COL6A3: variants seen among roughly 807,000 people sequenced by gnomAD.
The protein encoded by COL6A3 is collagen type VI alpha 3 chain, also known as collagen alpha-3(VI) chain.
Under a neutral mutation model 274.1 loss-of-function variants are expected in COL6A3, and 137 were observed. The ratio of observed to expected loss-of-function variants is 0.50; its 90% CI spans 0.44 to 0.58. COL6A3 has a LOEUF of 0.58. Among genes scored for constraint, COL6A3 ranks in the 20% least tolerant of loss-of-function variants. The pLI is 0.00. For missense variants in COL6A3, 3,950 were observed against 4,124.9 expected (o/e 0.96, Z 1.16); for synonymous variants, 1,650 against 1,650.6 (o/e 1.00, Z 0.01).
At position 237,359,170 on chromosome 2, in the gene COL6A3, C is replaced by T. The variant is rs759206526; in HGVS notation, c.6354+36G>A. 9.9e-6 allele frequency: 16 copies of T among 1,613,998 alleles called. 1 individual carries two copies. The South Asian group carries it at 1.8e-4, about 18-fold the overall frequency. The stretch of plus-strand genomic sequence containing the variant: ...TTGTTAGTTTCTGGAATCTTCAGAA[C>T]CAAAAGCAGTTTGGACTTAGAGTAA... On this transcript the variant is annotated intron_variant, in intron 19 of 43. Transcript: ENST00000295550.
intron 23 of COL6A3, chr2:237,355,321 T>C: frequency 4.9e-6 from 1 of 203,726 alleles, no homozygotes; most frequent in Non-Finnish European, 9.9e-6. Context: ...TTCCCAACTG[T>C]ACTGAGAAGT....
rs11310117 is a variant in COL6A3 at position 237,331,724 on chromosome 2, TAA to T, written c.9328+1724_9328+1725del. On this transcript the variant is annotated intron_variant, in intron 42 of 43. Transcript: ENST00000295550. ...ATTATGCAGGGCCTTGTTCTTTTTT[TAA>T]AAAAAAAAAAAGGTAATTTATGTCT... Among the ~76,000 whole-genome samples the T allele has an allele frequency of 1.1e-3, 159 of 147,674 alleles. 2 individuals carry two copies. The highest frequency in any genetic ancestry group is 2.6e-3 in the African/African-American group (106 of 40,500).
In COL6A3 at chr2:237,344,800, A is replaced by G; in HGVS notation, c.7218T>C (p.Ala2406=). ...GGTTGACTCCCTCAGAGGTGTCTAA[A>G]GCAAAGGCTAGTTCTGTTGGGAAGA... ...CPVFPTELAF[A]LDTSEGVNQD... The change falls in exon 36 of 44, where the codon GCT becomes GCC. Residue 2406 remains alanine, a synonymous_variant. Transcript: ENST00000295550. This position sits in a 1 kb window ranked among gnomAD's most constrained non-coding sequence, Gnocchi z 4.8. 1 of 1,610,658 alleles carries G rather than the reference A, an allele frequency of 6.2e-7. No individual in the cohort carries two copies. The highest frequency in any genetic ancestry group is 8.5e-7 in the Non-Finnish European group (1 of 1,179,170).
At chr2:237,367,393 T>G in intron 10 of COL6A3, 107 bp from the exon 11 acceptor site, 1 of 1,352,194 alleles carries the variant, frequency 7.4e-7, no homozygotes, top group Non-Finnish European at 1.0e-6. Context: ...TCCTAATAAT[T>G]TATTCACAGT....
chr2:237,377,250 A>G lies in COL6A3; in HGVS notation c.2592T>C (p.Asp864=). The G allele has an allele frequency of 1.9e-6, 3 of 1,611,348 alleles. No individual in the cohort carries two copies. Among genetic ancestry groups the G allele is most frequent in the Non-Finnish European group, 2.5e-6 (3 of 1,180,016 alleles). ...TCCCCTCTGGCTTCACATTGAGCTC[A>G]TCGATAATCTTGTAGAGAAAGTCAC... The part of the protein sequence containing the change: ...VVRDFLYKII[D]ELNVKPEGTR... The change falls in exon 7 of 44, where the codon GAT becomes GAC. Residue 864 remains aspartate (D), a synonymous_variant. Coordinates refer to ENST00000295550, the MANE Select transcript of COL6A3 (RefSeq NM_004369.4).
intron 8 of COL6A3, among the ~76,000 whole-genome samples, chr2:237,373,291 G>C (rs1298254760): frequency 6.6e-6 from 1 of 152,184 alleles, no homozygotes; most frequent in African/African-American, 2.4e-5. Context: ...CATCACAGAG[G>C]CCTCCTGCAG....
At position 237,333,447 on chromosome 2, in the gene COL6A3, C is replaced by T. The variant is rs1700370715; in HGVS notation, c.9328+3G>A. ...TAATGGACCTAATAGTTTCACAACT[C>T]ACCTGTTTCAGTGAGAGCCAATGGT... On this transcript the variant is annotated splice_donor_region_variant and intron_variant, in intron 42 of 43. Transcript: ENST00000295550. 4 of 1,613,336 alleles carry T rather than the reference C, an allele frequency of 2.5e-6. No individual in the cohort carries two copies. The highest frequency in any genetic ancestry group is 1.7e-4 in the Middle Eastern group (1 of 6,058).
chr2:237,375,850 T>G (rs1042114370), intron 7 of COL6A3, among the ~76,000 whole-genome samples: 13 of 152,194 alleles, frequency 8.5e-5, no homozygotes, highest in South Asian at 6.2e-4. Context: ...GCCTGTTTTG[T>G]TTTTGGCCAC....
At chr2:237,379,456 G>A (rs2077945722) in intron 5 of COL6A3, among the ~76,000 whole-genome samples, 1 of 152,184 alleles carries the variant, frequency 6.6e-6, no homozygotes, top group South Asian at 2.1e-4. Context: ...ACAAAACCAA[G>A]TTGGCTCAAA....
At chr2:237,363,693 A>G (rs2077487659) in intron 13 of COL6A3, among the ~76,000 whole-genome samples, 1 of 152,246 alleles carries the variant, frequency 6.6e-6, no homozygotes, top group African/African-American at 2.4e-5. Context: ...CTGTAACACG[A>G]GTATGCTGTG....
intron 3 of COL6A3, among the ~76,000 whole-genome samples, chr2:237,388,489 A>C (rs948549979): frequency 6.6e-6 from 1 of 152,212 alleles, no homozygotes; most frequent in African/African-American, 2.4e-5. Flanking sequence ...TCTTGGGTAC[A>C]TATTCTAGAA....
chr2:237,379,784 A>C (rs1459255562), intron 5 of COL6A3, among the ~76,000 whole-genome samples: 3 of 152,194 alleles, frequency 2.0e-5, no homozygotes, highest in Non-Finnish European at 4.4e-5. Context: ...CCCGTTTGTC[A>C]TTCTCCACTG....
At chr2:237,357,435 G>T in intron 22 of COL6A3, 44 bp from the exon 23 acceptor site, 1 of 1,527,118 alleles carries the variant, frequency 6.5e-7, no homozygotes, top group Non-Finnish European at 9.1e-7. Context: ...CTGCAGAGAA[G>T]AATGTCTAGC....
intron 42 of COL6A3, chr2:237,330,202 T>A (rs1574918671): frequency 2.0e-5 from 3 of 152,296 alleles, no homozygotes; most frequent in Admixed American, 2.0e-4. Context: ...TATCCAAAGC[T>A]TCCTTAGCTA....
At chr2:237,337,479 G>A (rs889858792) in intron 39 of COL6A3, among the ~76,000 whole-genome samples, 2 of 152,204 alleles carry the variant, frequency 1.3e-5, no homozygotes, top group Non-Finnish European at 2.9e-5. Flanking sequence ...AAAAGAAAGA[G>A]CTGAAGGACT....
chr2:237,396,533 G>T lies in COL6A3; in HGVS notation c.91+194C>A, dbSNP rs73093801. Among the ~76,000 whole-genome samples, 1,953 of 152,228 alleles carry T rather than the reference G, an allele frequency of 0.013. 57 individuals carry two copies. The highest frequency in any genetic ancestry group is 0.044 in the African/African-American group (1,837 of 41,538). ...CAAACCCAAGTTTTAATAAAAATAG[G>T]TCATCTCTCACTGGATAAAGAGTAT... On this transcript the variant is annotated intron_variant, in intron 2 of 43. Transcript: ENST00000295550.
intron 30 of COL6A3, 64 bp downstream of exon 30, chr2:237,348,285 T>G: frequency 3.0e-6 from 4 of 1,326,876 alleles, no homozygotes. Context: ...TGATTCTCAG[T>G]CCATGGACAT....
At chr2:237,347,534 T>G (rs1423719966) in intron 31 of COL6A3, among the ~76,000 whole-genome samples, 1 of 152,166 alleles carries the variant, frequency 6.6e-6, no homozygotes, top group African/African-American at 2.4e-5. Context: ...GATTCGAGAC[T>G]GCAGGTGGGT....
chr2:237,360,841 T>C (rs1334467964), intron 16 of COL6A3, among the ~76,000 whole-genome samples: 2 of 152,206 alleles, frequency 1.3e-5, no homozygotes, highest in East Asian at 3.9e-4. Context: ...TAGTAGATAC[T>C]GGGTGTGCAA....
Sources: allele counts gnomAD v4.1 joint callset (sites outside exome capture counted in the v4.1 genomes callset), GRCh38; gene constraint gnomAD v4.1.1; non-coding constraint Gnocchi (gnomAD v3.1); transcripts MANE v1.5; gene names NCBI Gene and HGNC (gene_info 2026-07-23, HGNC 2026-07-21).